PATJ: variants seen among roughly 807,000 people sequenced by gnomAD.
The protein encoded by PATJ is PATJ crumbs cell polarity complex component.
Under a neutral mutation model 224.9 loss-of-function variants are expected in PATJ, and 190 were observed. That is an observed-to-expected ratio of 0.84 (90% CI 0.75 to 0.95). The LOEUF (loss-of-function observed/expected upper bound fraction) is 0.95, where lower values mean the gene tolerates loss of function less well. PATJ is among the 40% of genes least tolerant of loss of function. The pLI is 0.00. For missense variants in PATJ, 2,121 were observed against 2,270.3 expected (o/e 0.93, Z 1.34); for synonymous variants, 769 against 820.3 (o/e 0.94, Z 1.07).
intron 17 of PATJ, among the ~76,000 whole-genome samples, chr1:61,854,068 T>C (rs753176740): frequency 1.2e-4 from 18 of 152,170 alleles, no homozygotes; most frequent in Non-Finnish European, 2.6e-4. Context: ...ACTTTGAAAA[T>C]GAACCCTGAT....
In PATJ at chr1:62,037,925, A is replaced by G; in HGVS notation, c.3960-52A>G. 4 of 1,141,574 alleles carry G rather than the reference A, an allele frequency of 3.5e-6. No homozygotes were observed. In the Middle Eastern group the frequency reaches 8.1e-4, roughly 230 times the overall value. 70.7% of individuals were successfully genotyped at this position (1,141,574 alleles called of 1,614,324 possible). On this transcript the variant is annotated intron_variant, in intron 29 of 43. Transcript: ENST00000642238. ...TGAGGAAGTATTTATAATTTGAGCC[A>G]GGAACTTAGCATTTACTGTGTACTG... is the stretch of plus-strand genomic sequence containing the variant.
At chr1:61,986,678 G>A (rs1644776268) in intron 27 of PATJ, among the ~76,000 whole-genome samples, 1 of 152,020 alleles carries the variant, frequency 6.6e-6, no homozygotes, top group Non-Finnish European at 1.5e-5. Flanking sequence ...AAAATGCTGG[G>A]ATTATAAACA....
chr1:61,921,922 A>G (rs1390017968), intron 26 of PATJ, among the ~76,000 whole-genome samples: 2 of 152,332 alleles, frequency 1.3e-5, no homozygotes, highest in Non-Finnish European at 2.9e-5. Flanking sequence ...CATGTCAATT[A>G]TACTTCAATA....
intron 43 of PATJ, among the ~76,000 whole-genome samples, chr1:62,157,845 A>AT (rs1016058271): frequency 3.0e-5 from 4 of 132,808 alleles, no homozygotes; most frequent in Admixed American, 1.9e-4. Context: ...AAAAAAAAAA[A>AT]AAAAAAAAAA....
chr1:61,886,937 T>C (rs1363735314), intron 22 of PATJ, among the ~76,000 whole-genome samples: 2 of 151,344 alleles, frequency 1.3e-5, no homozygotes, highest in Non-Finnish European at 2.9e-5. Context: ...GCTATAATTG[T>C]GCCACTGCAC....
intron 33 of PATJ, among the ~76,000 whole-genome samples, chr1:62,103,888 C>T (rs943459616): frequency 6.6e-6 from 1 of 152,146 alleles, no homozygotes; most frequent in Non-Finnish European, 1.5e-5. Context: ...AGTCTTCCCC[C>T]CAAGTCCCAC....
intron 17 of PATJ, among the ~76,000 whole-genome samples, chr1:61,842,505 T>G (rs182585864): frequency 2.0e-5 from 3 of 152,288 alleles, no homozygotes; most frequent in African/African-American, 7.2e-5. Flanking sequence ...AAGGCATTGT[T>G]GAGGAGGAGA....
Position 62,114,152 on chromosome 1 carries a change from G to A in PATJ, c.4561G>A (p.Ala1521Thr), listed in dbSNP as rs1664185443. The stretch of plus-strand genomic sequence containing the variant: ...GCGGCTGGTGGTGTATAGAGATGAG[G>A]CACACTACCGGGATGAGGAGAACTT... ...KVRLVVYRDE[A>T]HYRDEENLEI... Residue 1521 changes from alanine to threonine, a missense_variant, in exon 35 of 44, where the codon GCA becomes ACA. By Grantham distance (58) the Ala-to-Thr change is moderately conservative. Transcript: ENST00000642238. 1.2e-6 allele frequency: 2 copies of A among 1,614,070 alleles called. No homozygotes were observed. Among genetic ancestry groups the A allele is most frequent in the South Asian group, 1.1e-5 (1 of 91,060 alleles).
At chr1:61,771,911 G>A (rs1022801518) in intron 6 of PATJ, among the ~76,000 whole-genome samples, 14 of 151,916 alleles carry the variant, frequency 9.2e-5, no homozygotes, top group Admixed American at 8.5e-4. Context: ...TAGTAGAGAC[G>A]GGGTTTCATC....
intron 21 of PATJ, among the ~76,000 whole-genome samples, chr1:61,878,145 G>A (rs1009835769): frequency 6.6e-6 from 1 of 152,206 alleles, no homozygotes; most frequent in African/African-American, 2.4e-5. Context: ...AGTGTAGCTG[G>A]ATGGGACATA....
intron 43 of PATJ, among the ~76,000 whole-genome samples, chr1:62,157,746 G>C (rs1315228826): frequency 7.0e-6 from 1 of 143,466 alleles, no homozygotes; most frequent in East Asian, 2.0e-4. Context: ...CAGGAGAAAG[G>C]CTTGAACCTG....
At chr1:61,895,422 ACT>A (rs1309998552) in intron 22 of PATJ, among the ~76,000 whole-genome samples, 1 of 152,138 alleles carries the variant, frequency 6.6e-6, no homozygotes, top group Non-Finnish European at 1.5e-5. Context: ...AGGCCCTGCT[ACT>A]CTCTGCAGCC....
intron 6 of PATJ, among the ~76,000 whole-genome samples, chr1:61,773,087 C>T (rs190449911): frequency 1.3e-5 from 2 of 152,208 alleles, no homozygotes; most frequent in Non-Finnish European, 2.9e-5. Context: ...AGGGCGTGAT[C>T]TCGGCTCACT....
At chr1:61,934,906 G>A (rs1369606681) in intron 27 of PATJ, among the ~76,000 whole-genome samples, 1 of 152,142 alleles carries the variant, frequency 6.6e-6, no homozygotes, top group Non-Finnish European at 1.5e-5. Flanking sequence ...CATCCACCTA[G>A]TTTCGGAGCA....
At chr1:61,916,166 A>G (rs1673432190) in intron 26 of PATJ, among the ~76,000 whole-genome samples, 1 of 152,184 alleles carries the variant, frequency 6.6e-6, no homozygotes, top group African/African-American at 2.4e-5. Flanking sequence ...TTTAAAACAT[A>G]CAATAATCTA....
At chr1:61,907,447 C>T (rs942827153) in intron 24 of PATJ, among the ~76,000 whole-genome samples, 1 of 152,200 alleles carries the variant, frequency 6.6e-6, no homozygotes, top group Non-Finnish European at 1.5e-5. Context: ...GCCAGTCTCT[C>T]TAACTTGTGC....
chr1:62,099,610 C>G (rs936483231), intron 33 of PATJ, among the ~76,000 whole-genome samples: 3 of 151,802 alleles, frequency 2.0e-5, no homozygotes, highest in African/African-American at 7.3e-5. Context: ...GAGTAGTGAT[C>G]AAATTAAGTA....
chr1:61,956,170 T>TA (rs1347034487), intron 27 of PATJ, among the ~76,000 whole-genome samples: 1 of 152,214 alleles, frequency 6.6e-6, no homozygotes, highest in Non-Finnish European at 1.5e-5. Context: ...CAAACTGACT[T>TA]ATCTTCCATT....
chr1:62,071,530 T>C (rs1364868741), intron 31 of PATJ, among the ~76,000 whole-genome samples: 1 of 148,638 alleles, frequency 6.7e-6, no homozygotes, highest in Non-Finnish European at 1.5e-5. Flanking sequence ...TCTTGCTCTG[T>C]CACCCAGGCT....
Sources: gnomAD v4.1 joint callset for allele counts (sites outside exome capture counted in the v4.1 genomes callset) on GRCh38, gnomAD v4.1.1 for gene constraint, MANE v1.5 for transcripts, NCBI Gene and HGNC (gene_info 2026-07-23, HGNC 2026-07-21) for gene names.